The following ADAMTS3 variants were observed in gnomAD, a reference collection of about 807,000 sequenced individuals.
The protein encoded by ADAMTS3 is ADAM metallopeptidase with thrombospondin type 1 motif 3.
Under a neutral mutation model 129.0 loss-of-function variants are expected in ADAMTS3, and 73 were observed. The observed-to-expected ratio is 0.57, with a 90% CI of 0.47 to 0.69. ADAMTS3 has a LOEUF of 0.69. ADAMTS3 is among the 30% of genes least tolerant of loss of function. The pLI is 0.00. For synonymous variants in ADAMTS3, 477 were observed against 510.8 expected (o/e 0.93, Z 0.89); for missense variants, 1,457 against 1,514.5 (o/e 0.96, Z 0.63).
At chr4:72,390,350 T>A (rs1395196195) in intron 4 of ADAMTS3, among the ~76,000 whole-genome samples, 1 of 152,204 alleles carries the variant, frequency 6.6e-6, no homozygotes, top group East Asian at 1.9e-4. Context: ...CCAATGATGC[T>A]ATTCTAAATA....
At chr4:72,554,163 G>A (rs1347284804) in intron 2 of ADAMTS3, among the ~76,000 whole-genome samples, 1 of 152,150 alleles carries the variant, frequency 6.6e-6, no homozygotes, top group Non-Finnish European at 1.5e-5. Flanking sequence ...GTGCATGAGT[G>A]TATTTGTGAT....
At chr4:72,515,285 G>C (rs75118563) in intron 3 of ADAMTS3, among the ~76,000 whole-genome samples, 1 of 150,508 alleles carries the variant, frequency 6.6e-6, no homozygotes, top group Non-Finnish European at 1.5e-5. Flanking sequence ...GAATAGTGCC[G>C]CAATAAACAT....
intron 3 of ADAMTS3, among the ~76,000 whole-genome samples, chr4:72,525,543 C>T (rs924198704): frequency 2.0e-5 from 3 of 152,136 alleles, no homozygotes; most frequent in African/African-American, 7.2e-5. Flanking sequence ...ACCTTCTTTT[C>T]GCCTCACCCT....
chr4:72,484,126 C>A (rs1719515634), intron 3 of ADAMTS3, among the ~76,000 whole-genome samples: 1 of 152,144 alleles, frequency 6.6e-6, no homozygotes, highest in South Asian at 2.1e-4. Context: ...CTAATTTACC[C>A]CAATCTTACT....
intron 3 of ADAMTS3, among the ~76,000 whole-genome samples, chr4:72,422,552 CAAT>C (rs1431167680): frequency 1.3e-5 from 2 of 151,988 alleles, no homozygotes; most frequent in South Asian, 2.1e-4. Flanking sequence ...ATTTATAAAA[CAAT>C]GATGTATGCT....
chr4:72,498,101 CTAAG>C (rs1485769423), intron 3 of ADAMTS3, among the ~76,000 whole-genome samples: 4 of 152,036 alleles, frequency 2.6e-5, no homozygotes, highest in African/African-American at 7.2e-5. Flanking sequence ...CAGTATATAA[CTAAG>C]TGTTTTCCGT....
chr4:72,504,358 A>G (rs1196348268), intron 3 of ADAMTS3, among the ~76,000 whole-genome samples: 1 of 152,136 alleles, frequency 6.6e-6, no homozygotes, highest in African/African-American at 2.4e-5. Context: ...GAAATTCTTG[A>G]TTGGACTTCC....
chr4:72,531,233 G>A (rs1448830414), intron 3 of ADAMTS3, among the ~76,000 whole-genome samples: 2 of 152,082 alleles, frequency 1.3e-5, no homozygotes, highest in Non-Finnish European at 2.9e-5. Flanking sequence ...ATATTTGAGG[G>A]AAAAATAAGA....
intron 21 of ADAMTS3, among the ~76,000 whole-genome samples, chr4:72,287,262 T>G (rs1718530477): frequency 1.3e-5 from 2 of 151,874 alleles, no homozygotes; most frequent in South Asian, 2.1e-4. Context: ...AGCAATAATT[T>G]TTTTTTAATA....
At chr4:72,550,114 A>AGAAGAAGAAGAGGAG (rs142207113) in intron 2 of ADAMTS3, among the ~76,000 whole-genome samples, 1 of 96,592 alleles carries the variant, frequency 1.0e-5, no homozygotes, top group Non-Finnish European at 2.3e-5. Context: ...AAGAAGAAGA[A>AGAAGAAGAAGAGGAG]GAAGGCATAG....
intron 4 of ADAMTS3, among the ~76,000 whole-genome samples, chr4:72,397,591 A>ACACACACACACAC: frequency 2.0e-5 from 3 of 150,692 alleles, no homozygotes; most frequent in Non-Finnish European, 4.4e-5. Context: ...ACACACACAC[A>ACACACACACACAC]AAGAAAGAAA....
chr4:72,352,332 A>G lies in ADAMTS3; in HGVS notation c.662-12639T>C, dbSNP rs181792773. On this transcript the variant is annotated intron_variant, in intron 4 of 21. Transcript: ENST00000286657. The stretch of plus-strand genomic sequence containing the variant: ...GGAAGCAAGTCTATTTCTAAGAAAG[A>G]ATGTGATTCCACATCTCAATTCATT... 5.2e-4 allele frequency among the ~76,000 whole-genome samples: 79 copies of G among 152,134 alleles called. 1 individual carries two copies. Among genetic ancestry groups the G allele is most frequent in the Admixed American group, 8.5e-4 (13 of 15,250 alleles).
intron 4 of ADAMTS3, among the ~76,000 whole-genome samples, chr4:72,359,825 G>A (rs1423949556): frequency 6.6e-6 from 1 of 151,904 alleles, no homozygotes; most frequent in Non-Finnish European, 1.5e-5. Context: ...TAACAGCATG[G>A]TTTTAAATAA....
At chr4:72,432,712 C>T (rs1722728049) in intron 3 of ADAMTS3, among the ~76,000 whole-genome samples, 1 of 151,902 alleles carries the variant, frequency 6.6e-6, no homozygotes, top group Non-Finnish European at 1.5e-5. Flanking sequence ...TGAGACTGTC[C>T]TCTTCATTGT....
intron 3 of ADAMTS3, among the ~76,000 whole-genome samples, chr4:72,502,341 G>A (rs999908522): frequency 2.6e-5 from 4 of 151,998 alleles, no homozygotes; most frequent in African/African-American, 9.7e-5. Flanking sequence ...ATTCAATCTT[G>A]GAAGGTTGCG....
At chr4:72,476,697 G>A (rs965103049) in intron 3 of ADAMTS3, among the ~76,000 whole-genome samples, 1 of 151,812 alleles carries the variant, frequency 6.6e-6, no homozygotes, top group Non-Finnish European at 1.5e-5. Context: ...AGAAAGAGAA[G>A]GAAAATTACA....
intron 3 of ADAMTS3, among the ~76,000 whole-genome samples, chr4:72,484,250 C>G (rs1719518532): frequency 6.6e-6 from 1 of 152,118 alleles, no homozygotes; most frequent in Non-Finnish European, 1.5e-5. Context: ...TATTAAGGCA[C>G]TATTCTAGTT....
At chr4:72,356,299 A>G (rs1560484651) in intron 4 of ADAMTS3, among the ~76,000 whole-genome samples, 1 of 152,006 alleles carries the variant, frequency 6.6e-6, no homozygotes, top group East Asian at 1.9e-4. Flanking sequence ...GAGGTAATTC[A>G]TACATCCAAG....
intron 3 of ADAMTS3, among the ~76,000 whole-genome samples, chr4:72,431,763 GA>G (rs1346815407): frequency 1.3e-5 from 2 of 151,858 alleles, no homozygotes; most frequent in African/African-American, 4.8e-5. Flanking sequence ...AAATAAAGCA[GA>G]GTGAAGGGAT....
Sources: allele counts gnomAD v4.1 joint callset (sites outside exome capture counted in the v4.1 genomes callset), GRCh38; gene constraint gnomAD v4.1.1; transcripts MANE v1.5; gene names NCBI Gene and HGNC (gene_info 2026-07-23, HGNC 2026-07-21).